FYCO1: variants seen among roughly 807,000 people sequenced by gnomAD.
FYCO1 encodes the protein FYVE and coiled-coil domain autophagy adaptor 1.
A neutral mutation model predicts 165.1 loss-of-function variants in FYCO1; 122 were observed. The ratio of observed to expected loss-of-function variants is 0.74; its 90% confidence interval spans 0.64 to 0.86. The LOEUF is 0.86. Ranked by LOEUF, FYCO1 falls within the 40% of genes least tolerant of loss-of-function variation. FYCO1 has a pLI of 0.00. For missense variants in FYCO1, 1,702 were observed against 1,810.3 expected (o/e 0.94, Z 1.09); for synonymous variants, 648 against 742.5 (o/e 0.87, Z 2.07).
chr3:45,938,997 T>C (rs1704052383), intron 14 of FYCO1, among the ~76,000 whole-genome samples: 1 of 152,222 alleles, frequency 6.6e-6, no homozygotes, highest in African/African-American at 2.4e-5. Flanking sequence ...CTTTCCTTGC[T>C]ATTGAGGCAG....
At chr3:45,950,844 G>A (rs1215021568) in intron 14 of FYCO1, among the ~76,000 whole-genome samples, 1 of 152,190 alleles carries the variant, frequency 6.6e-6, no homozygotes, top group Non-Finnish European at 1.5e-5. Flanking sequence ...TTCAGCTGAA[G>A]GCAGAGATCT....
intron 15 of FYCO1, among the ~76,000 whole-genome samples, chr3:45,932,056 C>T (rs1703662198): frequency 6.6e-6 from 1 of 152,216 alleles, no homozygotes; most frequent in Admixed American, 6.5e-5. Context: ...CACTGCATCC[C>T]TGCTGCATAA....
intron 14 of FYCO1, among the ~76,000 whole-genome samples, chr3:45,937,131 TC>T (rs1052480146): frequency 2.6e-5 from 4 of 152,186 alleles, no homozygotes; most frequent in African/African-American, 9.7e-5. Flanking sequence ...CTTAGTGTTT[TC>T]CCTGTGGGGT....
intron 15 of FYCO1, among the ~76,000 whole-genome samples, chr3:45,934,002 A>T (rs1388107533): frequency 1.3e-5 from 2 of 152,182 alleles, no homozygotes; most frequent in Non-Finnish European, 2.9e-5. Flanking sequence ...ATAAAAAAAA[A>T]ATCACTGGAC....
At chr3:45,926,509 A>T (rs1220433161) in intron 16 of FYCO1, among the ~76,000 whole-genome samples, 1 of 152,220 alleles carries the variant, frequency 6.6e-6, no homozygotes, top group African/African-American at 2.4e-5. Context: ...ACATGATACA[A>T]AAAGTGGTAG....
chr3:45,925,173 C>T (rs1703266272), intron 16 of FYCO1, among the ~76,000 whole-genome samples: 1 of 152,032 alleles, frequency 6.6e-6, no homozygotes, highest in South Asian at 2.1e-4. Context: ...AGTGATTCAC[C>T]CGCCTCGGCC....
At chr3:45,950,416 G>A (rs1704935294) in intron 14 of FYCO1, among the ~76,000 whole-genome samples, 1 of 152,150 alleles carries the variant, frequency 6.6e-6, no homozygotes. Flanking sequence ...CTACCTGGGT[G>A]CTAGGGGCCC....
chr3:45,926,505 T>A (rs1361669631), intron 16 of FYCO1, among the ~76,000 whole-genome samples: 1 of 152,220 alleles, frequency 6.6e-6, no homozygotes, highest in Non-Finnish European at 1.5e-5. Context: ...AAATACATGA[T>A]ACAAAAAGTG....
At chr3:45,926,133 T>C (rs1703308878) in intron 16 of FYCO1, among the ~76,000 whole-genome samples, 1 of 151,826 alleles carries the variant, frequency 6.6e-6, no homozygotes, top group Non-Finnish European at 1.5e-5. Context: ...AGAAAATGAA[T>C]ACCAAGATGG....
intron 1 of FYCO1, among the ~76,000 whole-genome samples, chr3:45,992,880 G>A (rs1559471334): frequency 6.6e-6 from 1 of 151,054 alleles, no homozygotes; most frequent in Non-Finnish European, 1.5e-5. Flanking sequence ...CCCTATCCTG[G>A]ACTTCACATA....
chr3:45,924,582 T>C (rs1450023064), intron 16 of FYCO1, among the ~76,000 whole-genome samples: 2 of 152,152 alleles, frequency 1.3e-5, no homozygotes, highest in Non-Finnish European at 2.9e-5. Context: ...GAAAATATTC[T>C]AGGAGATAAG....
At chr3:45,966,094 T>C (rs1705994343) in intron 8 of FYCO1, among the ~76,000 whole-genome samples, 183 bp downstream of exon 8, 1 of 152,244 alleles carries the variant, frequency 6.6e-6, no homozygotes. Flanking sequence ...GCCTAACATA[T>C]TCCTGCAGAG....
intron 1 of FYCO1, among the ~76,000 whole-genome samples, 193 bp from the exon 2 acceptor site, chr3:45,985,215 A>G (rs920736656): frequency 6.6e-6 from 1 of 152,148 alleles, no homozygotes; most frequent in African/African-American, 2.4e-5. Flanking sequence ...TTCTATTCAG[A>G]CACAGTGACC....
chr3:45,954,900 A>G (rs1325561933), intron 14 of FYCO1, among the ~76,000 whole-genome samples: 1 of 152,230 alleles, frequency 6.6e-6, no homozygotes, highest in Admixed American at 6.5e-5. Context: ...TTGCACTTCC[A>G]GCCTCCAGAG....
At chr3:45,933,892 C>A (rs1265154343) in intron 15 of FYCO1, among the ~76,000 whole-genome samples, 1 of 152,010 alleles carries the variant, frequency 6.6e-6, no homozygotes, top group Non-Finnish European at 1.5e-5. Flanking sequence ...TTTAAATGTT[C>A]TTGAAACAAT....
intron 14 of FYCO1, among the ~76,000 whole-genome samples, chr3:45,951,704 C>A (rs1445265873): frequency 6.6e-6 from 1 of 152,122 alleles, no homozygotes; most frequent in African/African-American, 2.4e-5. Flanking sequence ...ATGACGAATA[C>A]CATCTTTTCT....
At chr3:45,987,468 T>C (rs892766966) in intron 1 of FYCO1, among the ~76,000 whole-genome samples, 5 of 152,048 alleles carry the variant, frequency 3.3e-5, no homozygotes, top group Admixed American at 1.3e-4. Context: ...GGAGAAGTGG[T>C]AGACACTCTG....
At chr3:45,949,638 G>T (rs963452915) in intron 14 of FYCO1, among the ~76,000 whole-genome samples, 6 of 152,066 alleles carry the variant, frequency 3.9e-5, no homozygotes, top group Non-Finnish European at 1.5e-5. Context: ...TCCCTCCTGG[G>T]GTGCTCATGA....
chr3:45,954,633 C>G (rs1166618595), intron 14 of FYCO1, among the ~76,000 whole-genome samples: 1 of 152,178 alleles, frequency 6.6e-6, no homozygotes, highest in Non-Finnish European at 1.5e-5. Context: ...CATGCTGAAG[C>G]CCTAAGCACC....
Sources: allele counts gnomAD v4.1 joint callset (sites outside exome capture counted in the v4.1 genomes callset), GRCh38; gene constraint gnomAD v4.1.1; transcripts MANE v1.5; gene names NCBI Gene and HGNC (gene_info 2026-07-23, HGNC 2026-07-21).